Variants in GRIN2B observed in about 807,000 individuals in gnomAD.
GRIN2B encodes the protein glutamate receptor ionotropic, NMDA 2B.
GRIN2B carries 5 observed loss-of-function variants against 114.5 expected under a neutral mutation model. That is an observed-to-expected ratio of 0.04 (90% confidence interval 0.02 to 0.09). The LOEUF (loss-of-function observed/expected upper bound fraction) is 0.09. Among genes scored for constraint, GRIN2B ranks in the 10% least tolerant of loss-of-function variants. The pLI, the probability that GRIN2B is intolerant of heterozygous loss-of-function variation, is 1.00. For synonymous variants in GRIN2B, 787 were observed against 745.1 expected, an observed-to-expected ratio of 1.06 and a Z score of -0.92; for missense variants, 1,108 against 1,943.5, an observed-to-expected ratio of 0.57 and a Z score of 8.08.
intron 4 of GRIN2B, among the ~76,000 whole-genome samples, chr12:13,739,009 A>G (rs1247414183): frequency 6.6e-6 from 1 of 152,164 alleles, no homozygotes; most frequent in Non-Finnish European, 1.5e-5. Context: ...GCACGGGAGG[A>G]AGTCAGCACA....
At chr12:13,584,172 C>T (rs889753573) in intron 10 of GRIN2B, among the ~76,000 whole-genome samples, 2 of 152,166 alleles carry the variant, frequency 1.3e-5, no homozygotes, top group African/African-American at 4.8e-5. Context: ...ACACTGGCTT[C>T]CTCGCAGTTT....
At chr12:13,582,253 T>C (rs1423287928) in intron 10 of GRIN2B, among the ~76,000 whole-genome samples, 1 of 152,202 alleles carries the variant, frequency 6.6e-6, no homozygotes, top group East Asian at 1.9e-4. Flanking sequence ...TAAATAATTA[T>C]TGTTATATTT....
chr12:13,734,831 G>A (rs929179650), intron 4 of GRIN2B, among the ~76,000 whole-genome samples: 12 of 152,170 alleles, frequency 7.9e-5, no homozygotes, highest in Non-Finnish European at 1.5e-5. Flanking sequence ...AGATCTTAAA[G>A]GACACCTATG....
At chr12:13,614,016 C>CAAAAA (rs77527098) in intron 8 of GRIN2B, among the ~76,000 whole-genome samples, 113 of 92,536 alleles carry the variant, frequency 1.2e-3, no homozygotes, top group Middle Eastern at 9.3e-3. Flanking sequence ...CCTTGCACAG[C>CAAAAA]AAAAAAAAAA....
intron 5 of GRIN2B, among the ~76,000 whole-genome samples, chr12:13,635,809 C>T (rs1302947884): frequency 6.6e-6 from 1 of 152,074 alleles, no homozygotes; most frequent in Admixed American, 6.6e-5. Context: ...TGATGGAGAC[C>T]TAAGCTTAGG....
At chr12:13,808,161 C>T (rs141924166) in intron 3 of GRIN2B, among the ~76,000 whole-genome samples, 1 of 152,108 alleles carries the variant, frequency 6.6e-6, no homozygotes, top group African/African-American at 2.4e-5. Context: ...AGCGGACATT[C>T]TCTCTTTCCC....
At chr12:13,826,029 T>C (rs540948492) in intron 3 of GRIN2B, among the ~76,000 whole-genome samples, 13 of 152,264 alleles carry the variant, frequency 8.5e-5, no homozygotes, top group African/African-American at 3.1e-4. Context: ...GTTTCTTCTT[T>C]TTTTTTCTTG....
intron 3 of GRIN2B, among the ~76,000 whole-genome samples, chr12:13,780,562 G>A (rs999784948): frequency 3.3e-5 from 5 of 152,138 alleles, no homozygotes; most frequent in African/African-American, 1.2e-4. Context: ...GAACATTAAT[G>A]ACTGGAGAGT....
intron 4 of GRIN2B, among the ~76,000 whole-genome samples, chr12:13,747,505 A>G (rs937682732): frequency 6.6e-6 from 1 of 152,184 alleles, no homozygotes; most frequent in African/African-American, 2.4e-5. Flanking sequence ...CTTTTACACT[A>G]CTGAGCAGAT....
At chr12:13,834,392 G>A (rs1865216482) in intron 3 of GRIN2B, among the ~76,000 whole-genome samples, 1 of 152,034 alleles carries the variant, frequency 6.6e-6, no homozygotes, top group South Asian at 2.1e-4. Context: ...TCCACCAGCA[G>A]CTTTAGCTCA....
At chr12:13,578,018 T>C (rs1948800487) in intron 10 of GRIN2B, among the ~76,000 whole-genome samples, 1 of 152,246 alleles carries the variant, frequency 6.6e-6, no homozygotes, top group South Asian at 2.1e-4. Flanking sequence ...AGTATGATCT[T>C]GCCTTCAAAG....
intron 2 of GRIN2B, among the ~76,000 whole-genome samples, chr12:13,922,198 ATTCAATCT>A (rs1866835731): frequency 6.6e-6 from 1 of 152,210 alleles, no homozygotes. Context: ...ACTGAATCTA[ATTCAATCT>A]TTCCTCAATG....
intron 10 of GRIN2B, among the ~76,000 whole-genome samples, chr12:13,586,401 T>A (rs1274605672): frequency 6.6e-6 from 1 of 152,230 alleles, no homozygotes; most frequent in Non-Finnish European, 1.5e-5. Context: ...GGTTGGTTAC[T>A]TTTTGTTACA....
intron 11 of GRIN2B, among the ~76,000 whole-genome samples, 159 bp downstream of exon 11, chr12:13,571,645 T>A (rs1336062522): frequency 1.3e-5 from 2 of 152,240 alleles, no homozygotes; most frequent in African/African-American, 4.8e-5. Context: ...GTCTAAATGA[T>A]ACGATCAAAT....
intron 2 of GRIN2B, among the ~76,000 whole-genome samples, chr12:13,924,109 G>C (rs759953961): frequency 6.6e-6 from 1 of 152,104 alleles, no homozygotes; most frequent in African/African-American, 2.4e-5. Flanking sequence ...CCTCTGGGGG[G>C]ACTAGTCAGT....
At position 13,779,876 on chromosome 12, in the gene GRIN2B, G is replaced by A. The variant is rs926565920; in HGVS notation, c.412-25961C>T. Among the ~76,000 whole-genome samples the A allele has an allele frequency of 3.9e-5, 6 of 152,126 alleles. No individual in the cohort carries two copies. In the South Asian group the frequency reaches 8.3e-4, roughly 21 times the overall value. ...AAACGGTAATAATGATAGAACACAC[G>A]TCGCAAGAGTCTTATAATTTAGTGA... On this transcript the variant is annotated intron_variant, in intron 3 of 13. Coordinates refer to ENST00000609686, the MANE Select transcript of GRIN2B (RefSeq NM_000834.5).
At chr12:13,855,126 C>T (rs1591768857) in intron 3 of GRIN2B, among the ~76,000 whole-genome samples, 1 of 150,128 alleles carries the variant, frequency 6.7e-6, no homozygotes, top group South Asian at 2.1e-4. Flanking sequence ...GCTGAGGCAG[C>T]AGAATCACTT....
At chr12:13,579,973 C>T (rs1336603804) in intron 10 of GRIN2B, among the ~76,000 whole-genome samples, 1 of 152,188 alleles carries the variant, frequency 6.6e-6, no homozygotes, top group Non-Finnish European at 1.5e-5. Context: ...GAACTCTCTG[C>T]TTTAAGACTC....
chr12:13,645,979 T>C (rs1343573902), intron 5 of GRIN2B, among the ~76,000 whole-genome samples: 1 of 152,226 alleles, frequency 6.6e-6, no homozygotes, highest in South Asian at 2.1e-4. Context: ...CTCAAAGGCA[T>C]CATTTCACCA....
Sources: allele counts gnomAD v4.1 joint callset (sites outside exome capture counted in the v4.1 genomes callset), GRCh38; gene constraint gnomAD v4.1.1; transcripts MANE v1.5; gene names NCBI Gene and HGNC (gene_info 2026-07-23, HGNC 2026-07-21).